CUX1: variants seen among roughly 807,000 people sequenced by gnomAD.
The protein encoded by CUX1 is cut like homeobox 1.
A neutral mutation model predicts 158.8 loss-of-function variants in CUX1; 31 were observed. That is an observed-to-expected ratio of 0.20 (90% confidence interval 0.15 to 0.26). The LOEUF is 0.26. Among genes scored for constraint, CUX1 ranks in the 10% least tolerant of loss-of-function variants. The pLI is 1.00. For missense variants in CUX1, 1,589 were observed against 2,014.6 expected (o/e 0.79, Z 4.04); for synonymous variants, 879 against 862.1 (o/e 1.02, Z -0.34).
chr7:102,278,659 A>T (rs71559451), intron 18 of CUX1, among the ~76,000 whole-genome samples: 37,402 of 96,058 alleles, frequency 0.39, 5,014 homozygotes, highest in South Asian at 0.48. Context: ...TAAAATAAAA[A>T]AATAAAATAA....
chr7:102,092,930 AAAG>A lies in CUX1; in HGVS notation c.269-4431_269-4429del, dbSNP rs1260396922. 1.5e-4 allele frequency among the ~76,000 whole-genome samples: 17 copies of A among 115,668 alleles called. 2 individuals are homozygous for A. The highest frequency in any genetic ancestry group is 2.4e-4 in the Admixed American group (3 of 12,278). The allele number at this position is 115,668 out of a possible 152,430, so 75.9% of individuals were successfully genotyped here. ...TCCGTCTCAAAAAAAAAAAAAAAAA[AAAG>A]AAAGAAAGAAAAGAAAAAAAGAGCT... On this transcript the variant is annotated intron_variant, in intron 4 of 23. Coordinates refer to ENST00000292535, the MANE Select transcript of CUX1 (RefSeq NM_181552.4).
At chr7:102,166,520 T>TCCAGATC (rs1791053543) in intron 9 of CUX1, among the ~76,000 whole-genome samples, 1 of 152,136 alleles carries the variant, frequency 6.6e-6, no homozygotes, top group Admixed American at 6.5e-5. Context: ...TACAGCTGGT[T>TCCAGATC]TAACAGGGGT....
chr7:101,879,248 A>C (rs931739965), intron 1 of CUX1, among the ~76,000 whole-genome samples: 1 of 152,034 alleles, frequency 6.6e-6, no homozygotes, highest in African/African-American at 2.4e-5. Flanking sequence ...GAATGCTTGC[A>C]TTCAGCTTTG....
At position 102,254,188 on chromosome 7, in the gene CUX1, C is replaced by T. The variant is rs781915087; in HGVS notation, c.*5146C>T. On this transcript the variant is annotated 3_prime_UTR_variant, in exon 24 of 24. Coordinates refer to ENST00000292535, the MANE Select transcript of CUX1 (RefSeq NM_181552.4). ...GCAGCTGTTTCTTTTGCAGGCAGGGCGTGGTCTCGGGGCTCCGAGGGTCTT... is the reference window on the plus strand; with the variant it reads ...GCAGCTGTTTCTTTTGCAGGCAGGGTGTGGTCTCGGGGCTCCGAGGGTCTT... 17 of 985,436 alleles carry T rather than the reference C, an allele frequency of 1.7e-5. No individual in the cohort carries two copies. The highest frequency in any genetic ancestry group is 1.1e-4 in the East Asian group (1 of 8,838). The allele number at this position is 985,436 out of a possible 1,614,324, so 61.0% of individuals were successfully genotyped here.
At chr7:101,816,675 G>A (rs977114502), upstream of CUX1, among the ~76,000 whole-genome samples, 11 of 145,122 alleles carry the variant, frequency 7.6e-5, no homozygotes, top group African/African-American at 2.7e-4. Context: ...AGGAGGAGCC[G>A]CCGCCACTGC....
At chr7:101,899,091 G>A (rs927809477) in intron 1 of CUX1, among the ~76,000 whole-genome samples, 5 of 152,248 alleles carry the variant, frequency 3.3e-5, no homozygotes, top group African/African-American at 1.2e-4. Flanking sequence ...CCTGGTCCAA[G>A]TTGCTTCCTG....
chr7:102,104,283 A>G, intron 5 of CUX1, 53 bp from the exon 6 acceptor site: 5 of 1,541,718 alleles, frequency 3.2e-6, no homozygotes, highest in South Asian at 1.2e-5. Flanking sequence ...ACCTACAGCC[A>G]TATGGAATTG....
At chr7:102,105,535 A>G (rs1245409748) in intron 6 of CUX1, among the ~76,000 whole-genome samples, 1 of 125,660 alleles carries the variant, frequency 8.0e-6, no homozygotes, top group Non-Finnish European at 1.7e-5. Flanking sequence ...TTTTTAAGAC[A>G]GAGTTTCACT....
chr7:102,219,537 A>T (rs1311198648), intron 20 of CUX1, among the ~76,000 whole-genome samples: 2 of 152,108 alleles, frequency 1.3e-5, no homozygotes, highest in Non-Finnish European at 2.9e-5. Flanking sequence ...CCAACCCAGG[A>T]CCCTCGGGAA....
intron 10 of CUX1, among the ~76,000 whole-genome samples, chr7:102,175,265 G>T (rs1792184178): frequency 6.6e-6 from 1 of 152,204 alleles, no homozygotes; most frequent in Non-Finnish European, 1.5e-5. Context: ...ACCTGTCCCA[G>T]ATACATTCAC....
chr7:102,202,545 C>T (rs550711940), intron 18 of CUX1, among the ~76,000 whole-genome samples: 6 of 152,162 alleles, frequency 3.9e-5, no homozygotes, highest in East Asian at 1.9e-4. Context: ...CCAAGCTGAC[C>T]GGCAGCCGAG....
At chr7:101,925,928 C>A (rs1364845244) in intron 2 of CUX1, among the ~76,000 whole-genome samples, 2 of 149,358 alleles carry the variant, frequency 1.3e-5, no homozygotes, top group East Asian at 1.9e-4. Flanking sequence ...AGAGTTATAA[C>A]CCCCGTCTCA....
chr7:101,833,562 TAAAAAAA>T (rs534986714), intron 1 of CUX1, among the ~76,000 whole-genome samples: 70 of 75,812 alleles, frequency 9.2e-4, no homozygotes, highest in African/African-American at 2.9e-3. Flanking sequence ...CTCTGTCTCT[TAAAAAAA>T]AAAAAAAAAA....
At chr7:102,221,026 C>T (rs1554526755) in intron 20 of CUX1, among the ~76,000 whole-genome samples, 1 of 152,084 alleles carries the variant, frequency 6.6e-6, no homozygotes, top group Non-Finnish European at 1.5e-5. Flanking sequence ...CTCATTCACA[C>T]TTAATGTGCC....
chr7:101,901,043 T>A (rs933097992), intron 1 of CUX1, among the ~76,000 whole-genome samples: 1 of 151,968 alleles, frequency 6.6e-6, no homozygotes, highest in Non-Finnish European at 1.5e-5. Context: ...GGAGGTGAGG[T>A]AGGTGGTATA....
chr7:102,244,295 C>A (rs2132557182), intron 23 of CUX1, among the ~76,000 whole-genome samples: 1 of 150,368 alleles, frequency 6.7e-6, no homozygotes, highest in South Asian at 2.1e-4. Context: ...CTGGAACCCT[C>A]AGGGAGTAAC....
chr7:102,000,618 A>G (rs2129273949), intron 2 of CUX1, among the ~76,000 whole-genome samples: 1 of 152,288 alleles, frequency 6.6e-6, no homozygotes, highest in South Asian at 2.1e-4. Flanking sequence ...GCTGCAGCCC[A>G]TTGTGCAGAA....
Position 102,256,416 on chromosome 7 carries a change from C to G in CUX1, c.*7374C>G. On this transcript the variant is annotated 3_prime_UTR_variant, in exon 24 of 24. Transcript: ENST00000292535. ...ATTTTGTGTTTTGTTGTCATAAATGCTTTTTGCTGTCACTCTAGTGGTTAC... is the reference window on the plus strand; with the variant it reads ...ATTTTGTGTTTTGTTGTCATAAATGGTTTTTGCTGTCACTCTAGTGGTTAC... The G allele has an allele frequency of 1.0e-6, 1 of 985,300 alleles. No homozygotes were observed. 61.0% of individuals were successfully genotyped at this position (985,300 alleles called of 1,614,324 possible).
rs553093568 is a variant in CUX1, at chr7:102,106,239, G to A, written c.530+1780G>A. ...AGAAGCTGGGACTACAGGTGTGCAC[G>A]CCACCACGCCCAGCTAATTTTTGCA... is the stretch of plus-strand genomic sequence containing the variant. On this transcript the variant is annotated intron_variant, in intron 6 of 23. Transcript: ENST00000292535. 5.4e-4 allele frequency among the ~76,000 whole-genome samples: 82 copies of A among 151,846 alleles called. 1 individual carries two copies. In the South Asian group the frequency reaches 0.016, roughly 30 times the overall value.
Sources: allele counts gnomAD v4.1 joint callset (sites outside exome capture counted in the v4.1 genomes callset), GRCh38; gene constraint gnomAD v4.1.1; transcripts MANE v1.5; gene names NCBI Gene and HGNC (gene_info 2026-07-23, HGNC 2026-07-21).